ARCN1: variants seen among roughly 807,000 people sequenced by gnomAD.
The protein encoded by ARCN1 is coatomer subunit delta.
In ARCN1, 5 loss-of-function variants were observed where a neutral mutation model predicts 60.4. That is an observed-to-expected ratio of 0.08 (90% CI 0.04 to 0.17). The LOEUF is 0.17. ARCN1 is among the 10% of genes least tolerant of loss of function. The pLI, the probability that ARCN1 is intolerant of heterozygous loss-of-function variation, is 1.00. For missense variants in ARCN1, 464 were observed against 626.5 expected (o/e 0.74, Z 2.77); for synonymous variants, 224 against 220.0 (o/e 1.02, Z -0.16).
intron 1 of ARCN1, among the ~76,000 whole-genome samples, chr11:118,574,259 T>G (rs2135527916): frequency 6.6e-6 from 1 of 152,284 alleles, no homozygotes; most frequent in East Asian, 1.9e-4. Flanking sequence ...CTCTGTAGAG[T>G]GTTAAGACAT....
chr11:118,578,549 G>T (rs1177724133), intron 1 of ARCN1, among the ~76,000 whole-genome samples: 1 of 152,072 alleles, frequency 6.6e-6, no homozygotes, highest in African/African-American at 2.4e-5. Context: ...ACCTTTTAGG[G>T]ATAGGAGGCT....
chr11:118,578,352 A>G (rs958550202), intron 1 of ARCN1, among the ~76,000 whole-genome samples: 7 of 152,144 alleles, frequency 4.6e-5, no homozygotes, highest in Non-Finnish European at 8.8e-5. Context: ...TTGAGCCTGT[A>G]AACATTGTTT....
Position 118,601,320 on chromosome 11 carries a change from C to G in ARCN1, c.*606C>G, listed in dbSNP as rs1939143582. The G allele has an allele frequency of 4.7e-6, 2 of 424,608 alleles. No individual in the cohort carries two copies. The highest frequency in any genetic ancestry group is 9.0e-6 in the Non-Finnish European group (2 of 222,502). The allele number at this position is 424,608 out of a possible 1,614,324, so 26.3% of individuals were successfully genotyped here. Reference sequence around the variant, plus strand: ...CAGGCAATCCGCCCACCTCAGCCTCCCAAAGTGTTGGGATTACAGGCATGA... The same window carrying G: ...CAGGCAATCCGCCCACCTCAGCCTCGCAAAGTGTTGGGATTACAGGCATGA... On this transcript the variant is annotated 3_prime_UTR_variant, in exon 10 of 10. Coordinates refer to ENST00000264028, the MANE Select transcript of ARCN1 (RefSeq NM_001655.5).
chr11:118,586,316 G>A (rs944622879), intron 5 of ARCN1, among the ~76,000 whole-genome samples: 1 of 152,044 alleles, frequency 6.6e-6, no homozygotes, highest in Non-Finnish European at 1.5e-5. Context: ...GGTGGGTCTC[G>A]AACTCCTGAC....
Position 118,583,309 on chromosome 11 carries a change from T to A in ARCN1, c.398T>A (p.Phe133Tyr). 6.2e-7 allele frequency: 1 copy of A among 1,614,050 alleles called. No individual in the cohort carries two copies. Among genetic ancestry groups the A allele is most frequent in the Admixed American group, 1.7e-5 (1 of 59,992 alleles). The change falls in exon 3 of 10, where the codon TTC becomes TAC. Residue 133 changes from phenylalanine (F) to tyrosine (Y), a missense_variant. Phe to Tyr is a conservative substitution (Grantham distance 22, BLOSUM62 3). This residue lies in a region of ARCN1 where 105 missense variants were observed against 186.3 expected (regional missense o/e 0.56). Transcript: ENST00000264028. ...GTTAACTTGGCACAGATCAGAACCT[T>A]CACAGAAATGGATTCTCATGAGGAG... ...ENVNLAQIRT[F>Y]TEMDSHEEKV...
chr11:118,577,227 A>T (rs1003473667), intron 1 of ARCN1, among the ~76,000 whole-genome samples: 1 of 151,860 alleles, frequency 6.6e-6, no homozygotes, highest in South Asian at 2.1e-4. Flanking sequence ...CATGATCTAA[A>T]TTCTGTTTCT....
intron 1 of ARCN1, among the ~76,000 whole-genome samples, chr11:118,579,781 A>G (rs1555074305): frequency 6.6e-6 from 1 of 152,078 alleles, no homozygotes; most frequent in Non-Finnish European, 1.5e-5. Flanking sequence ...ATAAAGTTTA[A>G]TTTAGAAATA....
chr11:118,593,492 A>G (rs1555076649), intron 7 of ARCN1, 98 bp from the exon 8 acceptor site: 2 of 727,348 alleles, frequency 2.7e-6, no homozygotes, highest in African/African-American at 1.8e-5. Flanking sequence ...CGATCCTACC[A>G]CCTTGGTCCT....
intron 1 of ARCN1, 57 bp downstream of exon 1, chr11:118,572,607 G>C (rs1938372011): frequency 6.3e-6 from 10 of 1,584,396 alleles, no homozygotes; most frequent in Non-Finnish European, 8.6e-6. Context: ...GTCTCTCCTT[G>C]TCGGCGGGCC....
At chr11:118,588,111 C>G (rs782204522) in intron 5 of ARCN1, among the ~76,000 whole-genome samples, 6 of 152,162 alleles carry the variant, frequency 3.9e-5, no homozygotes, top group Non-Finnish European at 8.8e-5. Flanking sequence ...TTCCCAGACC[C>G]TGTCCTCTTG....
chr11:118,597,584 T>C (rs1310547697), intron 8 of ARCN1, 123 bp from the exon 9 acceptor site: 33 of 951,896 alleles, frequency 3.5e-5, no homozygotes, highest in Admixed American at 2.3e-4. Flanking sequence ...AGCCTTTTTT[T>C]CCCCTGAAAT....
chr11:118,580,090 A>G (rs1014287434), intron 1 of ARCN1, among the ~76,000 whole-genome samples: 3 of 152,204 alleles, frequency 2.0e-5, no homozygotes, highest in African/African-American at 7.2e-5. Flanking sequence ...TGGGAGGCCA[A>G]GGTGGGCTGA....
chr11:118,579,692 A>G (rs1244905719), intron 1 of ARCN1, among the ~76,000 whole-genome samples: 12 of 152,072 alleles, frequency 7.9e-5, no homozygotes, highest in African/African-American at 2.9e-4. Context: ...CCATCTTAAA[A>G]AAAAAAAAGG....
At chr11:118,579,696 A>G (rs1380572634) in intron 1 of ARCN1, among the ~76,000 whole-genome samples, 1 of 152,074 alleles carries the variant, frequency 6.6e-6, no homozygotes, top group Non-Finnish European at 1.5e-5. Context: ...CTTAAAAAAA[A>G]AAAAGGTAGC....
chr11:118,598,375 GTTAT>G (rs1939074922), intron 9 of ARCN1, among the ~76,000 whole-genome samples: 1 of 151,734 alleles, frequency 6.6e-6, no homozygotes, highest in African/African-American at 2.4e-5. Flanking sequence ...TTATTTGAGG[GTTAT>G]TTATGTCACA....
intron 1 of ARCN1, among the ~76,000 whole-genome samples, chr11:118,578,870 CTCTCTTTTTTTTTT>C (rs1938583964): frequency 1.1e-5 from 1 of 86,962 alleles, no homozygotes; most frequent in Non-Finnish European, 2.1e-5. Context: ...AAAACCCCGT[CTCTCTTTTTTTTTT>C]TTTTTTTTTT....
At chr11:118,576,915 C>T (rs891683764) in intron 1 of ARCN1, among the ~76,000 whole-genome samples, 1 of 152,146 alleles carries the variant, frequency 6.6e-6, no homozygotes, top group Non-Finnish European at 1.5e-5. Flanking sequence ...CCAGGTGTGG[C>T]GGCTCATGCC....
Position 118,590,494 on chromosome 11 carries a change from G to A in ARCN1, c.972G>A (p.Gly324=). The A allele has an allele frequency of 6.2e-7, 1 of 1,614,112 alleles. No homozygotes were observed. The highest frequency in any genetic ancestry group is 8.5e-7 in the Non-Finnish European group (1 of 1,179,996). ...ATGTGGAAAATGAAGATAAGAAAGG[G>A]GTGCAGCTACAGGTGTGTAGAAGCT... is the stretch of plus-strand genomic sequence containing the variant. ...RLHVENEDKK[G]VQLQTHPNVD... The change falls in exon 6 of 10, where the codon GGG becomes GGA. Residue 324 remains glycine (G), a synonymous_variant. Coordinates refer to ENST00000264028, the MANE Select transcript of ARCN1 (RefSeq NM_001655.5).
chr11:118,596,236 T>A (rs1591391723), intron 8 of ARCN1, among the ~76,000 whole-genome samples: 1 of 152,226 alleles, frequency 6.6e-6, no homozygotes, highest in East Asian at 1.9e-4. Context: ...TACAGTATGG[T>A]TATTGCTTCA....
Sources: allele counts gnomAD v4.1 joint callset (sites outside exome capture counted in the v4.1 genomes callset), GRCh38; gene constraint gnomAD v4.1.1; regional missense constraint gnomAD v4.1.1; transcripts MANE v1.5; gene names NCBI Gene and HGNC (gene_info 2026-07-23, HGNC 2026-07-21).